The following RBFOX3 variants were observed in gnomAD, a reference collection of about 807,000 sequenced individuals.
RBFOX3 encodes RNA binding fox-1 homolog 3, also known as RNA binding protein fox-1 homolog 3.
Under a neutral mutation model 48.7 loss-of-function variants are expected in RBFOX3, and 17 were observed. The ratio of observed to expected loss-of-function variants is 0.35; its 90% CI spans 0.24 to 0.52. The LOEUF (loss-of-function observed/expected upper bound fraction) is 0.52. Ranked by LOEUF, RBFOX3 falls within the 20% of genes least tolerant of loss-of-function variation. The pLI is 0.94. For synonymous variants in RBFOX3, 212 were observed against 209.5 expected (o/e 1.01, Z -0.10); for missense variants, 382 against 497.5 (o/e 0.77, Z 2.21).
At chr17:79,513,142 G>A (rs2084718631) in intron 1 of RBFOX3, among the ~76,000 whole-genome samples, 1 of 150,834 alleles carries the variant, frequency 6.6e-6, no homozygotes, top group Admixed American at 6.6e-5. Flanking sequence ...TTACCATCAA[G>A]TACAGTCCTA....
At position 79,369,441 on chromosome 17, in the gene RBFOX3, C is replaced by T. The variant is rs141435847; in HGVS notation, c.-174-61617G>A. 4.6e-5 allele frequency among the ~76,000 whole-genome samples: 7 copies of T among 152,122 alleles called. No homozygotes were observed. The East Asian group carries it at 1.4e-3, about 29-fold the overall frequency. Reference sequence around the variant, plus strand: ...CGCGTTTCGGAGGGTTTGCTGTTTTCACCCCCAGAACTCAAATGGCCTTAG... The same window carrying T: ...CGCGTTTCGGAGGGTTTGCTGTTTTTACCCCCAGAACTCAAATGGCCTTAG... On this transcript the variant is annotated intron_variant, in intron 2 of 14. Coordinates refer to ENST00000693108, the MANE Select transcript of RBFOX3 (RefSeq NM_001350451.2).
At chr17:79,495,577 A>G (rs59649915) in intron 1 of RBFOX3, among the ~76,000 whole-genome samples, 23 of 2,830 alleles carry the variant, frequency 8.1e-3, no homozygotes, top group East Asian at 0.026. Context: ...AGGGATGGGG[A>G]TGTGGGAAGG....
Position 79,141,699 on chromosome 17 carries a change from G to A in RBFOX3, c.-33-25951C>T, listed in dbSNP as rs567697314. On this transcript the variant is annotated intron_variant, in intron 4 of 14. Coordinates refer to ENST00000693108, the MANE Select transcript of RBFOX3 (RefSeq NM_001350451.2). ...CCTCGGTAAGTCCTTCACCTCCCTG[G>A]GGGTCCTGTTTCCTCATCTGTAAAG... Among the ~76,000 whole-genome samples the A allele has an allele frequency of 4.0e-5, 6 of 151,714 alleles. No individual in the cohort carries two copies. In the South Asian group the frequency reaches 1.2e-3, roughly 32 times the overall value.
In RBFOX3 at chr17:79,097,247, C is replaced by T. The variant is rs542723195; in HGVS notation, c.755+45G>A. ...GGCCTCCCCATTTCCCTCCTCCCCG[C>T]CGTCCTACCCCCTCCTCCACGCCTC... On this transcript the variant is annotated intron_variant, in intron 11 of 14. Transcript: ENST00000693108. 55 of 1,478,576 alleles carry T rather than the reference C, an allele frequency of 3.7e-5. No homozygotes were observed. The African/African-American group carries it at 7.3e-4, about 20-fold the overall frequency. The allele number at this position is 1,478,576 out of a possible 1,614,324, so 91.6% of individuals were successfully genotyped here. A position where few individuals can be genotyped will look rare whatever the true frequency, so the allele number is the denominator to read the frequency against.
At chr17:79,277,303 A>C (rs58291177) in intron 3 of RBFOX3, among the ~76,000 whole-genome samples, 7 of 76,696 alleles carry the variant, frequency 9.1e-5, no homozygotes, top group African/African-American at 2.2e-4. Flanking sequence ...AATGGTGGGG[A>C]GGGGGGGGGT....
At chr17:79,354,820 T>TATTATTATA (rs2084658234) in intron 2 of RBFOX3, among the ~76,000 whole-genome samples, 1 of 152,252 alleles carries the variant, frequency 6.6e-6, no homozygotes, top group Non-Finnish European at 1.5e-5. Context: ...ATTATAACTA[T>TATTATTATA]TTTTAGTTCC....
chr17:79,272,083 T>C (rs2067830795), intron 3 of RBFOX3, among the ~76,000 whole-genome samples: 1 of 152,134 alleles, frequency 6.6e-6, no homozygotes, highest in Non-Finnish European at 1.5e-5. Flanking sequence ...CGGAAACTTG[T>C]GGAGTCAGGA....
At chr17:79,179,558 T>C (rs2051399801) in intron 4 of RBFOX3, among the ~76,000 whole-genome samples, 1 of 148,382 alleles carries the variant, frequency 6.7e-6, no homozygotes, top group Admixed American at 6.7e-5. Flanking sequence ...CTTACAATAC[T>C]TGAAGGCACT....
intron 4 of RBFOX3, among the ~76,000 whole-genome samples, chr17:79,148,747 C>T (rs2043616526): frequency 6.6e-6 from 1 of 152,214 alleles, no homozygotes; most frequent in Non-Finnish European, 1.5e-5. Context: ...GCCACAGAGT[C>T]TGAGGACGCA....
intron 1 of RBFOX3, among the ~76,000 whole-genome samples, chr17:79,567,862 C>T (rs2092526342): frequency 6.6e-6 from 1 of 152,168 alleles, no homozygotes; most frequent in Non-Finnish European, 1.5e-5. Flanking sequence ...CTCTTTTCTT[C>T]CAATTCAACA....
chr17:79,663,119 T>C, the RBFOX3 span, among the ~76,000 whole-genome samples: 2 of 152,168 alleles, frequency 1.3e-5, no homozygotes, highest in African/African-American at 4.8e-5. Flanking sequence ...GTCTAATGAT[T>C]AGTCTTGGGG....
At chr17:79,285,759 T>C (rs1337261015) in intron 3 of RBFOX3, among the ~76,000 whole-genome samples, 1 of 152,164 alleles carries the variant, frequency 6.6e-6, no homozygotes, top group Non-Finnish European at 1.5e-5. Flanking sequence ...TCTCAGCTCA[T>C]TGCAACCTCC....
At chr17:79,637,425 G>C in the RBFOX3 span, among the ~76,000 whole-genome samples, 1 of 151,986 alleles carries the variant, frequency 6.6e-6, no homozygotes, top group African/African-American at 2.4e-5. Flanking sequence ...TAACAAATTC[G>C]GCTAATGTCT....
chr17:79,184,403 C>A (rs995872157), intron 4 of RBFOX3, among the ~76,000 whole-genome samples: 2 of 152,266 alleles, frequency 1.3e-5, no homozygotes, highest in African/African-American at 4.8e-5. Context: ...AGGTCCCCAC[C>A]TCCTTGCCCC....
At chr17:79,154,816 C>A (rs146504508) in intron 4 of RBFOX3, among the ~76,000 whole-genome samples, 1 of 151,638 alleles carries the variant, frequency 6.6e-6, no homozygotes, top group African/African-American at 2.4e-5. Context: ...GGGCCTCCCC[C>A]AAACCCTCTA....
chr17:79,433,541 G>A (rs946908696), intron 2 of RBFOX3, among the ~76,000 whole-genome samples: 47 of 152,214 alleles, frequency 3.1e-4, no homozygotes, highest in Admixed American at 5.9e-4. Context: ...ATGCAGCTGG[G>A]CTTGGCCTCT....
At chr17:79,153,580 A>G (rs2073303137) in intron 4 of RBFOX3, among the ~76,000 whole-genome samples, 1 of 152,210 alleles carries the variant, frequency 6.6e-6, no homozygotes. Context: ...GGCTTGCCCA[A>G]GGACACACAG....
chr17:79,091,173 G>A (rs1051883179), intron 14 of RBFOX3, among the ~76,000 whole-genome samples: 5 of 152,198 alleles, frequency 3.3e-5, no homozygotes, highest in African/African-American at 7.2e-5. Flanking sequence ...GCTTCGAGGC[G>A]GCCTGGATGA....
intron 1 of RBFOX3, among the ~76,000 whole-genome samples, chr17:79,488,079 A>C (rs922967774): frequency 2.1e-4 from 32 of 152,140 alleles, no homozygotes; most frequent in African/African-American, 7.0e-4. Flanking sequence ...AACTCAGCCC[A>C]CCTAAAACAC....
Sources: gnomAD v4.1 joint callset for allele counts (sites outside exome capture counted in the v4.1 genomes callset) on GRCh38, gnomAD v4.1.1 for gene constraint, MANE v1.5 for transcripts, NCBI Gene and HGNC (gene_info 2026-07-23, HGNC 2026-07-21) for gene names.